The following CFAP52 variants were observed in gnomAD, a reference collection of about 807,000 sequenced individuals.
CFAP52 encodes the protein cilia- and flagella-associated protein 52.
CFAP52 carries 57 observed loss-of-function variants against 70.5 expected under a neutral mutation model. The ratio of observed to expected loss-of-function variants is 0.81; its 90% CI spans 0.65 to 1.01. CFAP52 has a LOEUF of 1.01. Among genes scored for constraint, CFAP52 ranks in the 50% least tolerant of loss-of-function variants. CFAP52 has a pLI of 0.00. For synonymous variants in CFAP52, 267 were observed against 292.5 expected (o/e 0.91, Z 0.89); for missense variants, 785 against 788.5 (o/e 1.00, Z 0.05).
intron 3 of CFAP52, among the ~76,000 whole-genome samples, chr17:9,587,386 G>A (rs890400871): frequency 6.6e-6 from 1 of 152,186 alleles, no homozygotes; most frequent in African/African-American, 2.4e-5. Flanking sequence ...TATGTAGCCA[G>A]TAATGGGATT....
At chr17:9,608,015 C>A in intron 6 of CFAP52, 104 bp from the exon 7 acceptor site, 1 of 764,180 alleles carries the variant, frequency 1.3e-6, no homozygotes, top group South Asian at 3.5e-5. Context: ...TTTTTATTGC[C>A]ATATGTTTTT....
chr17:9,582,786 A>C (rs904684548), intron 1 of CFAP52, among the ~76,000 whole-genome samples: 1 of 152,152 alleles, frequency 6.6e-6, no homozygotes, highest in Non-Finnish European at 1.5e-5. Context: ...ATAGGTGTCC[A>C]CCACTACGCC....
chr17:9,596,059 G>GTATGTATATATA (rs1555541608), intron 4 of CFAP52, among the ~76,000 whole-genome samples: 2 of 85,212 alleles, frequency 2.3e-5, no homozygotes, highest in African/African-American at 8.9e-5. Flanking sequence ...ATATGTGTGT[G>GTATGTATATATA]TATATATATA....
In CFAP52 at chr17:9,598,127, C is replaced by T. The variant is rs148657355; in HGVS notation, c.537-107C>T. 2.5e-4 allele frequency: 208 copies of T among 824,168 alleles called. 3 individuals are homozygous for T. In the African/African-American group the frequency reaches 3.1e-3, roughly 12 times the overall value. 51.1% of individuals were successfully genotyped at this position (824,168 alleles called of 1,614,324 possible). Reference sequence around the variant, plus strand: ...TCTTTCATAGTGCACTAGGCCATAACGAAGCCTCAAAAATGTTTAGATCTC... The same window carrying T: ...TCTTTCATAGTGCACTAGGCCATAATGAAGCCTCAAAAATGTTTAGATCTC... On this transcript the variant is annotated intron_variant, in intron 4 of 13. Coordinates refer to ENST00000352665, the MANE Select transcript of CFAP52 (RefSeq NM_145054.5).
At chr17:9,634,217 A>G (rs1414276623) in intron 10 of CFAP52, among the ~76,000 whole-genome samples, 1 of 152,000 alleles carries the variant, frequency 6.6e-6, no homozygotes, top group Non-Finnish European at 1.5e-5. Flanking sequence ...CCTTTCCTTA[A>G]TCCCCTGTCA....
At position 9,585,975 on chromosome 17, in the gene CFAP52, G is replaced by A; in HGVS notation, c.270+3G>A. The A allele has an allele frequency of 6.3e-7, 1 of 1,592,234 alleles. No homozygotes were observed. Among genetic ancestry groups the A allele is most frequent in the Non-Finnish European group, 8.6e-7 (1 of 1,167,252 alleles). On this transcript the variant is annotated splice_donor_region_variant and intron_variant, in intron 2 of 13. Transcript: ENST00000352665. ...AAGTCACATTCATGGGGTTCAAGGTGAATACAGTGAAAACGACTCATTGTC... is the reference window on the plus strand; with the variant it reads ...AAGTCACATTCATGGGGTTCAAGGTAAATACAGTGAAAACGACTCATTGTC...
At position 9,598,322 on chromosome 17, in the gene CFAP52, A is replaced by C. The variant is rs749129732; in HGVS notation, c.625A>C (p.Met209Leu). 6.2e-7 allele frequency: 1 copy of C among 1,612,092 alleles called. No individual in the cohort carries two copies. Among genetic ancestry groups the C allele is most frequent in the Non-Finnish European group, 8.5e-7 (1 of 1,179,398 alleles). ...AACAGGACAGTTGAAAAGAATAGTC[A>C]TGAGTATTGGAGTAAGTATTAATTT... ...CQTGQLKRIV[M>L]SIGVDDDDSF... The change falls in exon 5 of 14, where the codon ATG becomes CTG. Residue 209 changes from methionine (M) to leucine (L), a missense_variant. Physicochemically the swap from Met to Leu is conservative, Grantham distance 15. Transcript: ENST00000352665.
intron 11 of CFAP52, among the ~76,000 whole-genome samples, chr17:9,637,574 C>T (rs976970413): frequency 2.0e-5 from 3 of 152,164 alleles, no homozygotes; most frequent in Non-Finnish European, 2.9e-5. Flanking sequence ...CTATTATGCA[C>T]ATAAAAATCA....
intron 11 of CFAP52, among the ~76,000 whole-genome samples, chr17:9,637,790 G>T (rs1053999123): frequency 1.7e-4 from 26 of 152,324 alleles, no homozygotes; most frequent in African/African-American, 6.0e-4. Context: ...GGCCAGGCTG[G>T]TCTCAATCTC....
rs1567634884 is a variant in CFAP52 at position 9,631,042 on chromosome 17, G to GAA, written c.1175-1845_1175-1844insAA. ...AGAAAGAAAGAAAGAGAGAGAGAGA[G>GAA]AGAGAGAGAGAGAAAGAAAGAAAGA... On this transcript the variant is annotated intron_variant, in intron 9 of 13. Transcript: ENST00000352665. Among the ~76,000 whole-genome samples, 354 of 89,188 alleles carry GAA rather than the reference G, an allele frequency of 4.0e-3. 18 individuals carry two copies. In the East Asian group the frequency reaches 0.093, roughly 23 times the overall value. The allele number at this position is 89,188 out of a possible 152,430, so 58.5% of individuals were successfully genotyped here. A position where few individuals can be genotyped will look rare whatever the true frequency, so the allele number is the denominator to read the frequency against.
In CFAP52 at chr17:9,584,690, C is replaced by T. The variant is rs144765305; in HGVS notation, c.71-1083C>T. On this transcript the variant is annotated intron_variant, in intron 1 of 13. Coordinates refer to ENST00000352665, the MANE Select transcript of CFAP52 (RefSeq NM_145054.5). Reference sequence around the variant, plus strand: ...AGGCTGGAGTGCAATAGTGTGATCTCGGCTCACTGCAACCTCCGCCTCGTG... The same window carrying T: ...AGGCTGGAGTGCAATAGTGTGATCTTGGCTCACTGCAACCTCCGCCTCGTG... Among the ~76,000 whole-genome samples, 1,476 of 150,694 alleles carry T rather than the reference C, an allele frequency of 9.8e-3. 31 individuals are homozygous for T. The highest frequency in any genetic ancestry group is 0.033 in the African/African-American group (1,363 of 40,924).
At chr17:9,594,388 G>C in intron 4 of CFAP52, 67 bp downstream of exon 4, 2 of 1,559,862 alleles carry the variant, frequency 1.3e-6, no homozygotes, top group Non-Finnish European at 1.7e-6. Context: ...AGAAAACATG[G>C]TCATTCTGAT....
At chr17:9,598,114 C>T in intron 4 of CFAP52, 120 bp from the exon 5 acceptor site, 1 of 706,130 alleles carries the variant, frequency 1.4e-6, no homozygotes. Context: ...TTTCATAGTG[C>T]ACTAGGCCAT....
intron 4 of CFAP52, among the ~76,000 whole-genome samples, chr17:9,596,102 T>TATATAC (rs1909008505): frequency 7.9e-6 from 1 of 126,752 alleles, no homozygotes. Flanking sequence ...TATATATATA[T>TATATAC]GTACACATAT....
rs751624199 is a variant in CFAP52 at position 9,594,213 on chromosome 17, C to A, written c.428C>A (p.Ala143Asp). Residue 143 changes from alanine (A) to aspartate (D), a missense_variant, in exon 4 of 14, where the codon GCC becomes GAC. By Grantham distance (126) the Ala-to-Asp change is moderately radical. Transcript: ENST00000352665. ...DDGSVVVWSI[A>D]KRDAICGSPA... ...GGCAGTGTGGTGGTGTGGAGCATAG[C>A]CAAGAGAGATGCCATCTGTGGCAGC... 2.5e-6 allele frequency: 4 copies of A among 1,613,052 alleles called. No homozygotes were observed. Among genetic ancestry groups the A allele is most frequent in the Non-Finnish European group, 3.4e-6 (4 of 1,179,672 alleles).
Position 9,643,264 on chromosome 17 carries a change from C to T in CFAP52, c.*66C>T. 7.6e-7 allele frequency: 1 copy of T among 1,319,234 alleles called. No individual in the cohort carries two copies. Among genetic ancestry groups the T allele is most frequent in the Non-Finnish European group, 9.9e-7 (1 of 1,006,180 alleles). 81.7% of individuals were successfully genotyped at this position (1,319,234 alleles called of 1,614,324 possible). A position where few individuals can be genotyped will look rare whatever the true frequency, so the allele number is the denominator to read the frequency against. Reference sequence around the variant, plus strand: ...CCTGTTGAAGACTGAGTTTAGATAACTCCAACACTAGTCTTCATTTCTCAC... The same window carrying T: ...CCTGTTGAAGACTGAGTTTAGATAATTCCAACACTAGTCTTCATTTCTCAC... On this transcript the variant is annotated 3_prime_UTR_variant, in exon 14 of 14. Coordinates refer to ENST00000352665, the MANE Select transcript of CFAP52 (RefSeq NM_145054.5).
intron 6 of CFAP52, 46 bp downstream of exon 6, chr17:9,600,229 C>T (rs1321730211): frequency 6.7e-7 from 1 of 1,502,054 alleles, no homozygotes; most frequent in South Asian, 1.1e-5. Context: ...TCTCCCTTCA[C>T]TGGCAGCATG....
chr17:9,594,053 G>A, intron 3 of CFAP52, 140 bp from the exon 4 acceptor site: 1 of 1,236,042 alleles, frequency 8.1e-7, no homozygotes, highest in Non-Finnish European at 1.1e-6. Context: ...GGAGATGTCA[G>A]GGGTGGGGTA....
intron 1 of CFAP52, among the ~76,000 whole-genome samples, chr17:9,580,409 C>G (rs1908162232): frequency 6.6e-6 from 1 of 151,360 alleles, no homozygotes; most frequent in African/African-American, 2.4e-5. Flanking sequence ...TATTAAAGTT[C>G]ATGTGCGGTG....
Sources: allele counts gnomAD v4.1 joint callset (sites outside exome capture counted in the v4.1 genomes callset), GRCh38; gene constraint gnomAD v4.1.1; transcripts MANE v1.5; gene names NCBI Gene and HGNC (gene_info 2026-07-23, HGNC 2026-07-21).